The following CDK6 variants were observed in gnomAD, a reference collection of about 807,000 sequenced individuals.
The protein encoded by CDK6 is cyclin-dependent kinase 6.
In CDK6, 6 loss-of-function variants were observed where a neutral mutation model predicts 37.1. The ratio of observed to expected loss-of-function variants is 0.16; its 90% CI spans 0.09 to 0.32. The LOEUF (loss-of-function observed/expected upper bound fraction) is 0.32, where lower values mean the gene tolerates loss of function less well. Ranked by LOEUF, CDK6 falls within the 10% of genes least tolerant of loss-of-function variation. The pLI, the probability that CDK6 is intolerant of heterozygous loss-of-function variation, is 1.00. For synonymous variants in CDK6, 160 were observed against 161.3 expected (o/e 0.99, Z 0.06); for missense variants, 224 against 418.9 (o/e 0.53, Z 4.06).
chr7:92,726,532 T>C (rs1798516520), intron 3 of CDK6, among the ~76,000 whole-genome samples: 1 of 152,132 alleles, frequency 6.6e-6, no homozygotes, highest in African/African-American at 2.4e-5. Context: ...TGCCTCAGCC[T>C]CCCAAGTAGC....
chr7:92,722,968 T>G (rs1026112148), intron 4 of CDK6, among the ~76,000 whole-genome samples: 16 of 152,178 alleles, frequency 1.1e-4, no homozygotes, highest in Non-Finnish European at 1.8e-4. Context: ...ACGGATTACT[T>G]GAGGTCAGGA....
At position 92,691,388 on chromosome 7, in the gene CDK6, T is replaced by C. The variant is rs1020446821; in HGVS notation, c.538-19853A>G. 5.9e-5 allele frequency among the ~76,000 whole-genome samples: 9 copies of C among 152,336 alleles called. No homozygotes were observed. In the South Asian group the frequency reaches 1.7e-3, roughly 28 times the overall value. ...CAATGAAGTACACACACAATGTCTA[T>C]GTACAATAAAAATATGACTGCAATC... On this transcript the variant is annotated intron_variant, in intron 4 of 7. Transcript: ENST00000424848.
chr7:92,797,587 A>G (rs988107423), intron 2 of CDK6, among the ~76,000 whole-genome samples: 2 of 152,244 alleles, frequency 1.3e-5, no homozygotes, highest in African/African-American at 2.4e-5. Context: ...CTGCCTCTTA[A>G]AAAGGCCCTG....
intron 2 of CDK6, among the ~76,000 whole-genome samples, chr7:92,792,749 T>C (rs1800315457): frequency 6.6e-6 from 1 of 151,974 alleles, no homozygotes; most frequent in South Asian, 2.1e-4. Context: ...ATGAGCTCAG[T>C]CTGGAAAAGA....
At chr7:92,813,588 A>T (rs1287822788) in intron 2 of CDK6, among the ~76,000 whole-genome samples, 1 of 152,232 alleles carries the variant, frequency 6.6e-6, no homozygotes, top group African/African-American at 2.4e-5. Context: ...GGGAAAAAAT[A>T]GCGATAGAAT....
intron 3 of CDK6, among the ~76,000 whole-genome samples, chr7:92,771,293 A>C (rs1340555212): frequency 1.3e-5 from 2 of 150,494 alleles, no homozygotes; most frequent in Non-Finnish European, 3.0e-5. Context: ...CCGTCTCAAA[A>C]AAAAAAAAAT....
intron 3 of CDK6, among the ~76,000 whole-genome samples, chr7:92,750,043 C>G (rs1020791683): frequency 6.6e-6 from 1 of 152,126 alleles, no homozygotes; most frequent in Non-Finnish European, 1.5e-5. Flanking sequence ...GGGCAAAGTT[C>G]AAACTAACAT....
chr7:92,738,240 T>C lies in CDK6; in HGVS notation c.370-12447A>G, dbSNP rs562708223. On this transcript the variant is annotated intron_variant, in intron 3 of 7. Coordinates refer to ENST00000424848, the MANE Select transcript of CDK6 (RefSeq NM_001145306.2). Reference sequence around the variant, plus strand: ...GCATGGAGGTGCAGAGGAAGGGGGATCTTCAGGCCAAATGGAACTGAAGAG... The same window carrying C: ...GCATGGAGGTGCAGAGGAAGGGGGACCTTCAGGCCAAATGGAACTGAAGAG... 3.9e-5 allele frequency among the ~76,000 whole-genome samples: 6 copies of C among 152,102 alleles called. No individual in the cohort carries two copies. The East Asian group carries it at 9.7e-4, about 25-fold the overall frequency.
intron 5 of CDK6, among the ~76,000 whole-genome samples, chr7:92,643,907 T>C (rs1204081893): frequency 6.6e-6 from 1 of 152,212 alleles, no homozygotes; most frequent in Non-Finnish European, 1.5e-5. Context: ...TTCATCCAAG[T>C]GTACTATTTG....
intron 5 of CDK6, among the ~76,000 whole-genome samples, chr7:92,669,818 C>T (rs1178546435): frequency 6.6e-6 from 1 of 152,222 alleles, no homozygotes; most frequent in African/African-American, 2.4e-5. Context: ...TGTCATCCAA[C>T]CCAGGGGTTC....
At chr7:92,741,155 A>T (rs1359520547) in intron 3 of CDK6, among the ~76,000 whole-genome samples, 1 of 152,202 alleles carries the variant, frequency 6.6e-6, no homozygotes, top group African/African-American at 2.4e-5. Context: ...AGCAATTAGA[A>T]AGAACATGGG....
intron 5 of CDK6, among the ~76,000 whole-genome samples, chr7:92,665,229 G>A (rs1796929932): frequency 6.6e-6 from 1 of 151,960 alleles, no homozygotes; most frequent in Admixed American, 6.5e-5. Context: ...AATTTATTTT[G>A]CTGTATAGTT....
intron 2 of CDK6, among the ~76,000 whole-genome samples, chr7:92,807,542 T>C (rs939063818): frequency 1.3e-5 from 2 of 151,682 alleles, no homozygotes; most frequent in African/African-American, 4.8e-5. Context: ...TCTCTCTATA[T>C]AGATATATAT....
chr7:92,653,540 T>C (rs1796622920), intron 5 of CDK6, among the ~76,000 whole-genome samples: 1 of 152,200 alleles, frequency 6.6e-6, no homozygotes, highest in Admixed American at 6.5e-5. Flanking sequence ...TGCTCACCTA[T>C]CTCTGGAATC....
chr7:92,748,928 GCGATGGCTCACACCTGTAAT>G lies in CDK6; in HGVS notation c.370-23155_370-23136del, dbSNP rs371377424. ...GCCTGAAATCCCAACACGGCTGGGCGCGATGGCTCACACCTGTAATCCCAGCATGTGGGAGGCCGAGGTGG... is the reference window on the plus strand; with the variant it reads ...GCCTGAAATCCCAACACGGCTGGGCGCCCAGCATGTGGGAGGCCGAGGTGG... On this transcript the variant is annotated intron_variant, in intron 3 of 7. Transcript: ENST00000424848. Among the ~76,000 whole-genome samples, 198 of 152,242 alleles carry G rather than the reference GCGATGGCTCACACCTGTAAT, an allele frequency of 1.3e-3. 1 individual carries two copies. Among genetic ancestry groups the G allele is most frequent in the African/African-American group, 4.1e-3 (170 of 41,538 alleles).
At chr7:92,757,368 T>C (rs757726638) in intron 3 of CDK6, among the ~76,000 whole-genome samples, 2 of 152,324 alleles carry the variant, frequency 1.3e-5, no homozygotes, top group East Asian at 1.9e-4. Context: ...TAAGTTCTCA[T>C]CATTTAGCTC....
At chr7:92,627,656 T>C (rs1023785078) in intron 5 of CDK6, among the ~76,000 whole-genome samples, 1 of 152,066 alleles carries the variant, frequency 6.6e-6, no homozygotes, top group Non-Finnish European at 1.5e-5. Context: ...GACAGACTGC[T>C]AATGGGTATG....
intron 4 of CDK6, among the ~76,000 whole-genome samples, chr7:92,695,232 T>C (rs1326599994): frequency 6.8e-6 from 1 of 146,402 alleles, no homozygotes; most frequent in East Asian, 2.0e-4. Context: ...GGGGAAAAAG[T>C]CTCATAGCTT....
At chr7:92,747,805 A>C (rs1234669222) in intron 3 of CDK6, among the ~76,000 whole-genome samples, 1 of 152,214 alleles carries the variant, frequency 6.6e-6, no homozygotes, top group Admixed American at 6.5e-5. Context: ...GTGTGTCCAC[A>C]TTAACATGCT....
Sources: allele counts gnomAD v4.1 joint callset (sites outside exome capture counted in the v4.1 genomes callset), GRCh38; gene constraint gnomAD v4.1.1; transcripts MANE v1.5; gene names NCBI Gene and HGNC (gene_info 2026-07-23, HGNC 2026-07-21).